RNF38: variants seen among roughly 807,000 people sequenced by gnomAD.
RNF38 encodes E3 ubiquitin-protein ligase RNF38.
In RNF38, 15 loss-of-function variants were observed where a neutral mutation model predicts 67.2. The ratio of observed to expected loss-of-function variants is 0.22; its 90% confidence interval spans 0.15 to 0.34. The LOEUF is 0.34. RNF38 is among the 10% of genes least tolerant of loss of function. The pLI is 1.00. For missense variants in RNF38, 524 were observed against 639.9 expected (o/e 0.82, Z 1.95); for synonymous variants, 220 against 218.8 (o/e 1.01, Z -0.05).
At position 36,457,695 on chromosome 9, in the gene RNF38, G is replaced by A. The variant is rs112022047; in HGVS notation, n.241+29613C>T. ...GACTGAGGCAGGTGGATCACTTGAG[G>A]TCGGGAGCTCAAGACCAGCCTGGCT... On this transcript the variant is annotated intron_variant and non_coding_transcript_variant, in intron 1 of 3. Coordinates refer to the RNF38 transcript ENST00000488058. Among the ~76,000 whole-genome samples the A allele has an allele frequency of 7.9e-3, 1,202 of 152,184 alleles. 6 individuals carry two copies. Among genetic ancestry groups the A allele is most frequent in the Middle Eastern group, 0.014 (4 of 294 alleles).
chr9:36,359,799 G>C (rs1487687746), intron 4 of RNF38, among the ~76,000 whole-genome samples: 4 of 150,496 alleles, frequency 2.7e-5, no homozygotes, highest in Non-Finnish European at 5.9e-5. Flanking sequence ...AGGCTGGAGT[G>C]CAATGGCACA....
chr9:36,395,461 G>C (rs1487616733), intron 1 of RNF38, among the ~76,000 whole-genome samples: 1 of 152,088 alleles, frequency 6.6e-6, no homozygotes, highest in East Asian at 1.9e-4. Context: ...ATACCAACTG[G>C]TCGGTCAAAA....
At chr9:36,400,955 A>G, upstream of RNF38, 1 of 979,480 alleles carries the variant, frequency 1.0e-6, no homozygotes, top group Non-Finnish European at 1.2e-6. Context: ...GCGATCACAG[A>G]CCCGGGCTCC....
intron 1 of RNF38, among the ~76,000 whole-genome samples, chr9:36,465,723 T>C (rs1387501677): frequency 2.6e-5 from 4 of 152,152 alleles, no homozygotes; most frequent in Non-Finnish European, 2.9e-5. Context: ...TAAAGTATGA[T>C]ACACCTATAC....
intron 1 of RNF38, among the ~76,000 whole-genome samples, chr9:36,481,764 AG>A (rs758051939): frequency 3.9e-5 from 6 of 152,204 alleles, no homozygotes; most frequent in Non-Finnish European, 5.9e-5. Context: ...CAAAAGCAGT[AG>A]GAAGTCCGGT....
chr9:36,484,049 G>A (rs1185595786), intron 1 of RNF38, among the ~76,000 whole-genome samples: 2 of 152,202 alleles, frequency 1.3e-5, no homozygotes, highest in South Asian at 2.1e-4. Flanking sequence ...CAGAGGGGCA[G>A]CCTAAGGAAA....
intron 1 of RNF38, among the ~76,000 whole-genome samples, chr9:36,443,199 TGGATTGTCCGCAG>T (rs1839232443): frequency 1.3e-5 from 2 of 152,208 alleles, no homozygotes; most frequent in South Asian, 4.1e-4. Flanking sequence ...AAATATTAAA[TGGATTGTCCGCAG>T]GCATAGTGAT....
At chr9:36,375,886 A>T (rs1210619089) in intron 3 of RNF38, 48 bp downstream of exon 3, 10 of 1,529,376 alleles carry the variant, frequency 6.5e-6, no homozygotes, top group Non-Finnish European at 8.8e-6. Flanking sequence ...TATACTCACA[A>T]ATCTACCAAT....
rs115501182 is a variant in RNF38 at position 36,464,948 on chromosome 9, T to C, written n.241+22360A>G. ...AAGATACTATTTAGTGCTCTGCCTC[T>C]GACAGAGAATTTTAAAAGCCTTCTT... On this transcript the variant is annotated intron_variant and non_coding_transcript_variant, in intron 1 of 3. Transcript: ENST00000488058. Among the ~76,000 whole-genome samples the C allele has an allele frequency of 5.4e-4, 83 of 152,340 alleles. 1 individual carries two copies. Among genetic ancestry groups the C allele is most frequent in the African/African-American group, 2.0e-3 (82 of 41,586 alleles).
intron 3 of RNF38, among the ~76,000 whole-genome samples, chr9:36,371,515 C>T (rs997453892): frequency 8.1e-5 from 12 of 148,606 alleles, no homozygotes; most frequent in African/African-American, 2.2e-4. Flanking sequence ...CACGATCTCT[C>T]GGCTCACTGC....
At chr9:36,460,885 C>CAAAAAA (rs752827635) in intron 1 of RNF38, among the ~76,000 whole-genome samples, 6 of 52,924 alleles carry the variant, frequency 1.1e-4, no homozygotes, top group Admixed American at 2.6e-4. Context: ...GAAACTCTCT[C>CAAAAAA]AAAAAAAAAA....
chr9:36,395,070 T>A (rs528312238), intron 1 of RNF38, among the ~76,000 whole-genome samples: 1 of 152,344 alleles, frequency 6.6e-6, no homozygotes, highest in South Asian at 2.1e-4. Flanking sequence ...TAAGCATAAC[T>A]AAGAAAACCC....
intron 1 of RNF38, among the ~76,000 whole-genome samples, chr9:36,399,139 C>A (rs937398570): frequency 2.6e-5 from 4 of 152,284 alleles, no homozygotes; most frequent in African/African-American, 9.6e-5. Flanking sequence ...AGAGAAAATT[C>A]TCCTCAATAT....
intron 1 of RNF38, among the ~76,000 whole-genome samples, chr9:36,431,125 C>T (rs148747010): frequency 1.3e-5 from 2 of 152,158 alleles, no homozygotes; most frequent in Non-Finnish European, 2.9e-5. Flanking sequence ...GTTCCCAACA[C>T]CCCTTCTTCT....
chr9:36,483,652 T>C (rs1011440446), intron 1 of RNF38, among the ~76,000 whole-genome samples: 3 of 152,200 alleles, frequency 2.0e-5, no homozygotes, highest in South Asian at 2.1e-4. Context: ...TCTCTGACCA[T>C]AGGTTCAGAC....
At chr9:36,393,608 A>T (rs1837300262) in intron 1 of RNF38, among the ~76,000 whole-genome samples, 1 of 151,550 alleles carries the variant, frequency 6.6e-6, no homozygotes, top group Admixed American at 6.6e-5. Flanking sequence ...GTGCGCAGGC[A>T]GGGCTGTGAA....
chr9:36,386,859 G>A (rs1404699891), intron 2 of RNF38, among the ~76,000 whole-genome samples: 1 of 152,212 alleles, frequency 6.6e-6, no homozygotes, highest in African/African-American at 2.4e-5. Flanking sequence ...CTGGAGTGCA[G>A]TGGCACAATC....
intron 1 of RNF38, among the ~76,000 whole-genome samples, chr9:36,398,460 G>A (rs1837715752): frequency 6.6e-6 from 1 of 152,132 alleles, no homozygotes; most frequent in South Asian, 2.1e-4. Flanking sequence ...GTTGGGAAGA[G>A]ACTGTGTACA....
At chr9:36,478,500 A>G (rs994101061) in intron 1 of RNF38, among the ~76,000 whole-genome samples, 22 of 151,248 alleles carry the variant, frequency 1.5e-4, no homozygotes, top group African/African-American at 5.3e-4. Context: ...TCACTTCGCA[A>G]AAATGTAAGT....
Sources: allele counts gnomAD v4.1 joint callset (sites outside exome capture counted in the v4.1 genomes callset), GRCh38; gene constraint gnomAD v4.1.1; transcripts MANE v1.5; gene names NCBI Gene and HGNC (gene_info 2026-07-23, HGNC 2026-07-21).